The following TMEM266 variants were observed in gnomAD, a reference collection of about 807,000 sequenced individuals.
TMEM266 encodes Hv1 related protein 1.
A neutral mutation model predicts 50.5 loss-of-function variants in TMEM266; 33 were observed. That is an observed-to-expected ratio of 0.65 (90% CI 0.50 to 0.87). The LOEUF (loss-of-function observed/expected upper bound fraction) is 0.87. TMEM266 is among the 40% of genes least tolerant of loss of function. The pLI is 0.00. For synonymous variants in TMEM266, 310 were observed against 292.3 expected (o/e 1.06, Z -0.62); for missense variants, 655 against 695.1 (o/e 0.94, Z 0.65).
At chr15:76,137,947 C>T (rs559560681) in intron 3 of TMEM266, 52 bp downstream of exon 3, 94 of 1,500,484 alleles carry the variant, frequency 6.3e-5, no homozygotes, top group South Asian at 8.1e-5. Context: ...TTAGGCTAGG[C>T]GCGGTGGCTC....
intron 1 of TMEM266, among the ~76,000 whole-genome samples, chr15:76,110,653 G>T (rs1458298560): frequency 6.6e-6 from 1 of 152,170 alleles, no homozygotes; most frequent in East Asian, 1.9e-4. Flanking sequence ...TCTGTCTGCT[G>T]TGGTGCTTAT....
intron 3 of TMEM266, among the ~76,000 whole-genome samples, chr15:76,154,739 G>T (rs766526055): frequency 1.6e-4 from 24 of 152,110 alleles, no homozygotes; most frequent in Admixed American, 3.9e-4. Flanking sequence ...AGTTGAGGAC[G>T]GGGGCCTATC....
intron 3 of TMEM266, among the ~76,000 whole-genome samples, chr15:76,149,696 G>GC (rs1441909298): frequency 6.6e-6 from 1 of 152,208 alleles, no homozygotes; most frequent in Non-Finnish European, 1.5e-5. Context: ...GTAGTTGCCA[G>GC]CAACAGCCAA....
At chr15:76,172,830 C>A (rs1407027772) in intron 7 of TMEM266, among the ~76,000 whole-genome samples, 1 of 152,200 alleles carries the variant, frequency 6.6e-6, no homozygotes, top group Non-Finnish European at 1.5e-5. Flanking sequence ...CTGCTCAGGG[C>A]CCTGTTCTTG....
intron 1 of TMEM266, among the ~76,000 whole-genome samples, chr15:76,110,154 C>T (rs1465703667): frequency 6.6e-6 from 1 of 151,914 alleles, no homozygotes; most frequent in Non-Finnish European, 1.5e-5. Context: ...TGCACGCCAC[C>T]ACACCTGGCT....
chr15:76,192,297 C>G, intron 9 of TMEM266, 140 bp downstream of exon 9: 1 of 798,316 alleles, frequency 1.3e-6, no homozygotes, highest in South Asian at 2.5e-5. Context: ...GATTGGGGGA[C>G]ACGCTCAGAT....
intron 5 of TMEM266, among the ~76,000 whole-genome samples, chr15:76,162,962 C>T (rs979328605): frequency 6.6e-6 from 1 of 152,228 alleles, no homozygotes; most frequent in African/African-American, 2.4e-5. Flanking sequence ...CAGGAAATTC[C>T]AAGAAGGTCA....
chr15:76,092,409 G>C lies in TMEM266; in HGVS notation c.-97+32393G>C, dbSNP rs191473170. Among the ~76,000 whole-genome samples, 6 of 152,218 alleles carry C rather than the reference G, an allele frequency of 3.9e-5. No individual in the cohort carries two copies. The East Asian group carries it at 1.2e-3, about 29-fold the overall frequency. Reference sequence around the variant, plus strand: ...TGAGAAGGATATTAATAATCCAATAGCTGGGCGTGGTGGCTCATGCCTGTA... The same window carrying C: ...TGAGAAGGATATTAATAATCCAATACCTGGGCGTGGTGGCTCATGCCTGTA... On this transcript the variant is annotated intron_variant, in intron 1 of 10. Transcript: ENST00000388942.
intron 1 of TMEM266, chr15:76,113,908 CAAA>C (rs1455826011): frequency 1.5e-5 from 2 of 134,062 alleles, no homozygotes; most frequent in Admixed American, 7.6e-5. Flanking sequence ...GACTCCGACT[CAAA>C]AAAAAAAAGA....
rs2038129348 is a variant in TMEM266 at position 76,168,296 on chromosome 15, C to T, written c.457-1520C>T. On this transcript the variant is annotated intron_variant, in intron 5 of 10. Coordinates refer to ENST00000388942, the MANE Select transcript of TMEM266 (RefSeq NM_152335.3). This position sits in a 1 kb window ranked among gnomAD's most constrained non-coding sequence, Gnocchi z 4.4. Reference sequence around the variant, plus strand: ...GAGAAGGCAACATGACTGTCCCCCACAAGCATTCACCTTCCCATCCCTTCA... The same window carrying T: ...GAGAAGGCAACATGACTGTCCCCCATAAGCATTCACCTTCCCATCCCTTCA... Among the ~76,000 whole-genome samples, 1 of 152,244 alleles carries T rather than the reference C, an allele frequency of 6.6e-6. No homozygotes were observed. Among genetic ancestry groups the T allele is most frequent in the East Asian group, 1.9e-4 (1 of 5,196 alleles).
chr15:76,094,220 G>C (rs149311868), intron 1 of TMEM266, among the ~76,000 whole-genome samples: 8,016 of 152,046 alleles, frequency 0.053, 687 homozygotes, highest in African/African-American at 0.18. Flanking sequence ...TATTGCCCAG[G>C]TTTTCTTCTA....
At chr15:76,191,544 C>T (rs1162258608) in intron 8 of TMEM266, 2 of 154,794 alleles carry the variant, frequency 1.3e-5, no homozygotes, top group African/African-American at 4.8e-5. Context: ...GGGACGGGGG[C>T]CCTGGGTGTC....
At position 76,104,068 on chromosome 15, in the gene TMEM266, A is replaced by G. The variant is rs1054651698; in HGVS notation, c.-96-30100A>G. On this transcript the variant is annotated intron_variant, in intron 1 of 10. Coordinates refer to ENST00000388942, the MANE Select transcript of TMEM266 (RefSeq NM_152335.3). Reference sequence around the variant, plus strand: ...TAAAAATACAAAAAATTAGCTGGGCATGGTGGCAGGCGCCTGTAGTCCCAG... The same window carrying G: ...TAAAAATACAAAAAATTAGCTGGGCGTGGTGGCAGGCGCCTGTAGTCCCAG... Among the ~76,000 whole-genome samples the G allele has an allele frequency of 6.6e-5, 10 of 151,896 alleles. No homozygotes were observed. In the South Asian group the frequency reaches 8.3e-4, roughly 13 times the overall value.
chr15:76,106,828 A>G (rs2037088062), intron 1 of TMEM266, among the ~76,000 whole-genome samples: 1 of 152,092 alleles, frequency 6.6e-6, no homozygotes, highest in Non-Finnish European at 1.5e-5. Context: ...TCACATACTT[A>G]TTTTGTGTGT....
intron 3 of TMEM266, among the ~76,000 whole-genome samples, chr15:76,145,005 C>G (rs1314151460): frequency 6.6e-6 from 1 of 152,218 alleles, no homozygotes; most frequent in East Asian, 1.9e-4. Flanking sequence ...ATTCCATCAG[C>G]CAGTTGCTTT....
intron 1 of TMEM266, among the ~76,000 whole-genome samples, chr15:76,096,669 TTC>T (rs2036925502): frequency 6.6e-6 from 1 of 152,050 alleles, no homozygotes; most frequent in African/African-American, 2.4e-5. Context: ...CTGGTTAATT[TTC>T]TGTCTCGTTG....
intron 1 of TMEM266, among the ~76,000 whole-genome samples, chr15:76,097,080 G>T (rs1433036925): frequency 6.6e-6 from 1 of 151,844 alleles, no homozygotes. Flanking sequence ...TTGCCAGTCT[G>T]TGTCTTTTAA....
At chr15:76,128,254 A>T (rs997414696) in intron 1 of TMEM266, among the ~76,000 whole-genome samples, 2 of 152,228 alleles carry the variant, frequency 1.3e-5, no homozygotes, top group African/African-American at 4.8e-5. Flanking sequence ...TGATGAACAG[A>T]CCTGGGGTCC....
intron 8 of TMEM266, chr15:76,181,551 T>G (rs2038405491): frequency 6.6e-6 from 1 of 152,250 alleles, no homozygotes; most frequent in African/African-American, 2.4e-5. Context: ...GAAGTTCTTT[T>G]CCATTCTTTT....
Sources: allele counts gnomAD v4.1 joint callset (sites outside exome capture counted in the v4.1 genomes callset), GRCh38; gene constraint gnomAD v4.1.1; non-coding constraint Gnocchi (gnomAD v3.1); transcripts MANE v1.5; gene names NCBI Gene and HGNC (gene_info 2026-07-23, HGNC 2026-07-21).